The following PLCB1 variants were observed in gnomAD, a reference collection of about 807,000 sequenced individuals.
PLCB1 encodes the protein 1-phosphatidylinositol 4,5-bisphosphate phosphodiesterase beta-1.
PLCB1 carries 46 observed loss-of-function variants against 161.8 expected under a neutral mutation model. That is an observed-to-expected ratio of 0.28 (90% CI 0.22 to 0.36). PLCB1 has a LOEUF of 0.36. Among genes scored for constraint, PLCB1 ranks in the 10% least tolerant of loss-of-function variants. The pLI, the probability that PLCB1 is intolerant of heterozygous loss-of-function variation, is 1.00. For synonymous variants in PLCB1, 517 were observed against 503.7 expected (o/e 1.03, Z -0.35); for missense variants, 1,016 against 1,472.5 (o/e 0.69, Z 5.07).
chr20:8,686,662 A>G (rs1015909813), intron 10 of PLCB1, among the ~76,000 whole-genome samples: 11 of 152,304 alleles, frequency 7.2e-5, no homozygotes, highest in South Asian at 4.1e-4. Flanking sequence ...TGTTCATTCA[A>G]TCGCGGCTGC....
intron 1 of PLCB1, among the ~76,000 whole-genome samples, chr20:8,145,105 A>G (rs528671588): frequency 1.3e-5 from 2 of 152,206 alleles, no homozygotes; most frequent in Non-Finnish European, 2.9e-5. Flanking sequence ...ACACAACGGA[A>G]ATTTATTTTC....
chr20:8,646,612 A>T lies in PLCB1; in HGVS notation c.464+431A>T, dbSNP rs1600223787. Among the ~76,000 whole-genome samples, 4 of 152,288 alleles carry T rather than the reference A, an allele frequency of 2.6e-5. No individual in the cohort carries two copies. In the South Asian group the frequency reaches 8.3e-4, roughly 32 times the overall value. On this transcript the variant is annotated intron_variant, in intron 5 of 31. Coordinates refer to ENST00000338037, the MANE Select transcript of PLCB1 (RefSeq NM_015192.4). The stretch of plus-strand genomic sequence containing the variant: ...GATAGATGCTACAATACCTTTCCTG[A>T]CTACTTAAATCAATAGGCTGACATC...
intron 20 of PLCB1, among the ~76,000 whole-genome samples, chr20:8,739,008 C>T (rs1216597844): frequency 6.6e-6 from 1 of 152,082 alleles, no homozygotes; most frequent in Non-Finnish European, 1.5e-5. Flanking sequence ...AAAAATTAGT[C>T]AGGTGTGGGG....
intron 3 of PLCB1, among the ~76,000 whole-genome samples, chr20:8,525,235 T>C (rs1265783271): frequency 7.3e-6 from 1 of 137,552 alleles, no homozygotes; most frequent in Middle Eastern, 3.5e-3. Flanking sequence ...ATAAAATATC[T>C]TCTTAACCCA....
At chr20:8,188,747 C>T (rs757342963) in intron 2 of PLCB1, among the ~76,000 whole-genome samples, 1 of 152,072 alleles carries the variant, frequency 6.6e-6, no homozygotes. Context: ...CTATTCTTAG[C>T]CAATTTTGTT....
Position 8,641,433 on chromosome 20 carries a change from T to A in PLCB1, c.385-4669T>A, listed in dbSNP as rs868485134. Among the ~76,000 whole-genome samples the A allele has an allele frequency of 3.7e-4, 56 of 152,324 alleles. 1 individual carries two copies. Among genetic ancestry groups the A allele is most frequent in the African/African-American group, 1.3e-3 (54 of 41,568 alleles). On this transcript the variant is annotated intron_variant, in intron 4 of 31. Transcript: ENST00000338037. ...AGTGATTATGAATCTATTACCTATT[T>A]TATAAAAAAGAATGCGAGGCAGAAC... is the stretch of plus-strand genomic sequence containing the variant.
intron 31 of PLCB1, among the ~76,000 whole-genome samples, chr20:8,859,153 A>C (rs1485400468): frequency 6.6e-6 from 1 of 152,154 alleles, no homozygotes; most frequent in East Asian, 1.9e-4. Context: ...TAATTGGTTC[A>C]TCTACTTCTA....
chr20:8,297,776 T>C (rs1016865126), intron 2 of PLCB1, among the ~76,000 whole-genome samples: 1 of 152,128 alleles, frequency 6.6e-6, no homozygotes, highest in Admixed American at 6.5e-5. Context: ...AGTCAAGAGC[T>C]ATTAATTTCA....
intron 3 of PLCB1, among the ~76,000 whole-genome samples, chr20:8,493,482 T>A (rs1983031457): frequency 6.6e-6 from 1 of 152,248 alleles, no homozygotes; most frequent in South Asian, 2.1e-4. Context: ...TTAGAGGAGA[T>A]AAAAGGCTTT....
At chr20:8,544,854 A>G (rs1479432999) in intron 3 of PLCB1, among the ~76,000 whole-genome samples, 1 of 150,634 alleles carries the variant, frequency 6.6e-6, no homozygotes, top group African/African-American at 2.5e-5. Flanking sequence ...AAATAGTGAA[A>G]TACAGAAATG....
chr20:8,556,445 G>GAATGAGTT (rs1297211659), intron 3 of PLCB1, among the ~76,000 whole-genome samples: 2 of 152,036 alleles, frequency 1.3e-5, no homozygotes, highest in African/African-American at 4.8e-5. Flanking sequence ...AAAAGCTGGA[G>GAATGAGTT]AATGAGTTAC....
At chr20:8,525,153 AG>A (rs1984530698) in intron 3 of PLCB1, among the ~76,000 whole-genome samples, 2 of 84,132 alleles carry the variant, frequency 2.4e-5, no homozygotes, top group Admixed American at 1.2e-4. Flanking sequence ...TTTATGGAGA[AG>A]GGGGAAAAAA....
At chr20:8,588,606 A>C (rs942730234) in intron 3 of PLCB1, among the ~76,000 whole-genome samples, 1 of 152,142 alleles carries the variant, frequency 6.6e-6, no homozygotes, top group Non-Finnish European at 1.5e-5. Flanking sequence ...GAAACATCTG[A>C]GAAGCATGTG....
intron 2 of PLCB1, among the ~76,000 whole-genome samples, chr20:8,202,885 C>T (rs963355183): frequency 2.0e-5 from 3 of 152,164 alleles, no homozygotes; most frequent in African/African-American, 4.8e-5. Context: ...AGGAAGAACA[C>T]GCAGAGAAAG....
intron 23 of PLCB1, among the ~76,000 whole-genome samples, chr20:8,744,477 A>G (rs1354572958): frequency 3.3e-5 from 5 of 151,970 alleles, no homozygotes; most frequent in Non-Finnish European, 7.4e-5. Context: ...GTGTGCTGAC[A>G]CATGCCTGTA....
At chr20:8,414,601 A>T (rs1456354627) in intron 3 of PLCB1, among the ~76,000 whole-genome samples, 2 of 152,232 alleles carry the variant, frequency 1.3e-5, no homozygotes, top group African/African-American at 2.4e-5. Flanking sequence ...AAAATCAAAG[A>T]AATGTAAAGT....
intron 31 of PLCB1, among the ~76,000 whole-genome samples, chr20:8,838,078 A>T (rs1986361301): frequency 6.6e-6 from 1 of 151,988 alleles, no homozygotes; most frequent in Non-Finnish European, 1.5e-5. Context: ...CAAATAAAAA[A>T]AAAAAAAAAA....
chr20:8,572,502 T>C (rs1327207658), intron 3 of PLCB1, among the ~76,000 whole-genome samples: 1 of 152,240 alleles, frequency 6.6e-6, no homozygotes, highest in Admixed American at 6.5e-5. Context: ...TTTTCATAGA[T>C]GTGAGAACCT....
chr20:8,697,566 A>G, intron 10 of PLCB1, 60 bp from the exon 11 acceptor site: 1 of 1,555,726 alleles, frequency 6.4e-7, no homozygotes, highest in Non-Finnish European at 8.8e-7. Context: ...TTTCTAAGAA[A>G]GCACCACGGT....
Sources: allele counts gnomAD v4.1 joint callset (sites outside exome capture counted in the v4.1 genomes callset), GRCh38; gene constraint gnomAD v4.1.1; transcripts MANE v1.5; gene names NCBI Gene and HGNC (gene_info 2026-07-23, HGNC 2026-07-21).